NLGN1: variants seen among roughly 807,000 people sequenced by gnomAD.
The protein encoded by NLGN1 is neuroligin-1.
Under a neutral mutation model 65.5 loss-of-function variants are expected in NLGN1, and 12 were observed. That is an observed-to-expected ratio of 0.18 (90% CI 0.12 to 0.30). NLGN1 has a LOEUF of 0.30. NLGN1 is among the 10% of genes least tolerant of loss of function. The pLI, the probability that NLGN1 is intolerant of heterozygous loss-of-function variation, is 1.00. For synonymous variants in NLGN1, 350 were observed against 359.5 expected (o/e 0.97, Z 0.30); for missense variants, 750 against 1,007.1 (o/e 0.74, Z 3.46).
chr3:173,611,876 A>G (rs1752355961), intron 3 of NLGN1, among the ~76,000 whole-genome samples: 2 of 152,114 alleles, frequency 1.3e-5, no homozygotes, highest in African/African-American at 4.8e-5. Context: ...CAGCAGAAAG[A>G]GTTATGCTAG....
chr3:174,045,449 A>C (rs1285228671), intron 4 of NLGN1, among the ~76,000 whole-genome samples: 2 of 152,102 alleles, frequency 1.3e-5, no homozygotes, highest in African/African-American at 4.8e-5. Context: ...GACTACCCTC[A>C]TGATCTCATC....
At chr3:174,241,746 C>A (rs186780750) in intron 4 of NLGN1, among the ~76,000 whole-genome samples, 1 of 151,972 alleles carries the variant, frequency 6.6e-6, no homozygotes, top group Non-Finnish European at 1.5e-5. Context: ...CTCCGCCTCC[C>A]GGGTTCACGC....
intron 3 of NLGN1, among the ~76,000 whole-genome samples, chr3:173,632,793 T>C (rs1250286745): frequency 6.6e-6 from 1 of 151,856 alleles, no homozygotes; most frequent in Non-Finnish European, 1.5e-5. Context: ...TGTGGATTCA[T>C]TGTATAAATA....
intron 4 of NLGN1, among the ~76,000 whole-genome samples, chr3:174,052,451 A>C (rs903984683): frequency 2.2e-4 from 33 of 152,032 alleles, no homozygotes; most frequent in African/African-American, 7.2e-4. Context: ...AATAAGCATC[A>C]AAACACTTTA....
chr3:174,123,373 A>G (rs886334284), intron 4 of NLGN1, among the ~76,000 whole-genome samples: 1 of 151,982 alleles, frequency 6.6e-6, no homozygotes, highest in African/African-American at 2.4e-5. Flanking sequence ...GAGTTCATCA[A>G]TGTTGAGTCT....
intron 3 of NLGN1, among the ~76,000 whole-genome samples, chr3:173,668,619 CTTTTT>C (rs34649854): frequency 1.5e-5 from 2 of 132,744 alleles, no homozygotes; most frequent in African/African-American, 2.8e-5. Flanking sequence ...CTTTTCTTTT[CTTTTT>C]TTTTTTTTTT....
intron 4 of NLGN1, among the ~76,000 whole-genome samples, chr3:173,969,431 C>T (rs1485652672): frequency 6.6e-6 from 1 of 151,960 alleles, no homozygotes; most frequent in Non-Finnish European, 1.5e-5. Context: ...TTTTAATATT[C>T]ATATATTACC....
At chr3:173,570,081 C>T (rs1744388585) in intron 2 of NLGN1, among the ~76,000 whole-genome samples, 1 of 152,086 alleles carries the variant, frequency 6.6e-6, no homozygotes, top group Admixed American at 6.6e-5. Flanking sequence ...TTAACCCCAA[C>T]CTATCTTGGG....
At chr3:173,423,861 CTG>C (rs1463382563) in intron 1 of NLGN1, among the ~76,000 whole-genome samples, 1 of 152,210 alleles carries the variant, frequency 6.6e-6, no homozygotes, top group Non-Finnish European at 1.5e-5. Context: ...CCAGTGGAGA[CTG>C]TGTTGGGACT....
chr3:173,742,037 G>GTCAGTTCA (rs1774732768), intron 3 of NLGN1, among the ~76,000 whole-genome samples: 1 of 152,070 alleles, frequency 6.6e-6, no homozygotes, highest in Non-Finnish European at 1.5e-5. Context: ...TTGCAGAAAT[G>GTCAGTTCA]TCAGTTCATT....
At chr3:173,728,809 T>C (rs1036253316) in intron 3 of NLGN1, among the ~76,000 whole-genome samples, 4 of 152,070 alleles carry the variant, frequency 2.6e-5, no homozygotes, top group African/African-American at 4.8e-5. Context: ...AGGATTTTTT[T>C]CCCTAGAGTC....
chr3:173,786,268 T>TACAATGTA (rs1781943203), intron 3 of NLGN1, among the ~76,000 whole-genome samples: 1 of 152,094 alleles, frequency 6.6e-6, no homozygotes, highest in African/African-American at 2.4e-5. Context: ...TGGCTGTGAG[T>TACAATGTA]TTTGTACATT....
chr3:173,641,871 T>C (rs1207144489), intron 3 of NLGN1, among the ~76,000 whole-genome samples: 1 of 152,184 alleles, frequency 6.6e-6, no homozygotes, highest in Admixed American at 6.5e-5. Flanking sequence ...ATATTATGTA[T>C]TTCTATTTTC....
intron 4 of NLGN1, among the ~76,000 whole-genome samples, chr3:173,820,179 G>GAAAAAAAAAAAAAAAAAAAAA (rs63081662): frequency 7.3e-6 from 1 of 136,616 alleles, no homozygotes; most frequent in Non-Finnish European, 1.5e-5. Context: ...ATTCAGTCTC[G>GAAAAAAAAAAAAAAAAAAAAA]AAAAAAAAAA....
intron 4 of NLGN1, among the ~76,000 whole-genome samples, chr3:173,929,576 CAA>C (rs538842767): frequency 2.0e-4 from 17 of 85,010 alleles, no homozygotes; most frequent in South Asian, 3.5e-4. Context: ...CTGTCATTTC[CAA>C]AAAAAAAAAA....
rs1746607410 is a variant in NLGN1, at chr3:173,582,812, GT to G, written c.-320-21464del. Among the ~76,000 whole-genome samples the G allele has an allele frequency of 2.6e-5, 4 of 151,572 alleles. No homozygotes were observed. In the South Asian group the frequency reaches 8.3e-4, roughly 32 times the overall value. The stretch of plus-strand genomic sequence containing the variant: ...TTATGGACTTTGGCTTTTTTATGTT[GT>G]TTAGTAAACCTTTCTGTTCTCATCT... On this transcript the variant is annotated intron_variant, in intron 2 of 6. Coordinates refer to ENST00000457714, the Ensembl canonical transcript of NLGN1.
intron 4 of NLGN1, among the ~76,000 whole-genome samples, chr3:174,003,405 G>A (rs1012197048): frequency 5.9e-5 from 9 of 152,010 alleles, no homozygotes; most frequent in East Asian, 1.9e-4. Context: ...GGAGATTGCC[G>A]GAAATACATA....
At chr3:173,706,806 TACGCACACACACGCCCACGCGTGCACGC>T (rs1768113024) in intron 3 of NLGN1, among the ~76,000 whole-genome samples, 1 of 152,232 alleles carries the variant, frequency 6.6e-6, no homozygotes, top group Non-Finnish European at 1.5e-5. Context: ...AAGACACACA[TACGCACACACACGCCCACGCGTGCACGC>T]ACGCACACAC....
chr3:173,511,323 T>A (rs1732935895), intron 2 of NLGN1, among the ~76,000 whole-genome samples: 1 of 152,048 alleles, frequency 6.6e-6, no homozygotes. Context: ...CCCCACACAC[T>A]CACCACCTCC....
Sources: allele counts gnomAD v4.1 joint callset (sites outside exome capture counted in the v4.1 genomes callset), GRCh38; gene constraint gnomAD v4.1.1; transcripts MANE v1.5; gene names NCBI Gene and HGNC (gene_info 2026-07-23, HGNC 2026-07-21).